Variants in PRKN observed in about 807,000 individuals in gnomAD.
PRKN encodes the protein E3 ubiquitin-protein ligase parkin.
A neutral mutation model predicts 59.5 loss-of-function variants in PRKN; 56 were observed. The observed-to-expected ratio is 0.94, with a 90% CI of 0.76 to 1.18. The LOEUF is 1.18. Among genes scored for constraint, PRKN ranks in the 50% most tolerant of loss-of-function variants. The pLI, the probability that PRKN is intolerant of heterozygous loss-of-function variation, is 0.00. For missense variants in PRKN, 657 were observed against 596.4 expected (o/e 1.10, Z -1.06); for synonymous variants, 250 against 222.1 (o/e 1.13, Z -1.12).
At chr6:162,685,374 T>C (rs565313529) in intron 1 of PRKN, among the ~76,000 whole-genome samples, 5 of 152,260 alleles carry the variant, frequency 3.3e-5, no homozygotes, top group Admixed American at 2.6e-4. Context: ...TGCTACTTCT[T>C]CAATATTCAG....
rs1178337925 is a variant in PRKN at position 162,545,249 on chromosome 6, C to T, written c.8-101776G>A. Reference sequence around the variant, plus strand: ...GTTGCAGTGAGCCAAGATCACGCCACTGCACTCCAGCCTGGGCAACAGAGT... The same window carrying T: ...GTTGCAGTGAGCCAAGATCACGCCATTGCACTCCAGCCTGGGCAACAGAGT... On this transcript the variant is annotated intron_variant, in intron 1 of 11. Transcript: ENST00000366898. Among the ~76,000 whole-genome samples, 4 of 152,018 alleles carry T rather than the reference C, an allele frequency of 2.6e-5. No individual in the cohort carries two copies. The East Asian group carries it at 7.8e-4, about 30-fold the overall frequency.
chr6:161,842,865 CT>C (rs1793047180), intron 6 of PRKN, among the ~76,000 whole-genome samples: 1 of 152,162 alleles, frequency 6.6e-6, no homozygotes, highest in African/African-American at 2.4e-5. Flanking sequence ...TCTCTTTATT[CT>C]GCCTGAGGAT....
At chr6:162,502,729 T>C (rs369424417) in intron 1 of PRKN, among the ~76,000 whole-genome samples, 1 of 152,086 alleles carries the variant, frequency 6.6e-6, no homozygotes, top group East Asian at 1.9e-4. Context: ...ATCCCAGCAT[T>C]TTATAGAATT....
At chr6:161,520,519 T>TAA (rs1778781980) in intron 9 of PRKN, among the ~76,000 whole-genome samples, 1 of 152,100 alleles carries the variant, frequency 6.6e-6, no homozygotes, top group Admixed American at 6.6e-5. Context: ...TGAACCCCTG[T>TAA]GCTCAGCCAA....
chr6:162,286,503 A>T (rs1781200611), intron 2 of PRKN, among the ~76,000 whole-genome samples: 1 of 152,114 alleles, frequency 6.6e-6, no homozygotes. Flanking sequence ...TGCAATACTG[A>T]CTCCAATAAA....
intron 2 of PRKN, among the ~76,000 whole-genome samples, chr6:162,397,843 C>T (rs779950437): frequency 6.6e-6 from 1 of 151,868 alleles, no homozygotes; most frequent in Non-Finnish European, 1.5e-5. Context: ...TCAAGAACAG[C>T]CTGGCCAATG....
In PRKN at chr6:161,987,983, C is replaced by CGAT. The variant is rs904060517; in HGVS notation, c.619-14569_619-14567dup. Reference sequence around the variant, plus strand: ...CAAGAAGAGGAACTGTTAGAGTGAACGATGCTCCCTCTTAGCCCAGGCTTA... The same window carrying CGAT: ...CAAGAAGAGGAACTGTTAGAGTGAACGATGATGCTCCCTCTTAGCCCAGGCTTA... On this transcript the variant is annotated intron_variant, in intron 5 of 11. Coordinates refer to ENST00000366898, the MANE Select transcript of PRKN (RefSeq NM_004562.3). Among the ~76,000 whole-genome samples, 10 of 152,188 alleles carry CGAT rather than the reference C, an allele frequency of 6.6e-5. No individual in the cohort carries two copies. The South Asian group carries it at 8.3e-4, about 13-fold the overall frequency.
chr6:161,900,439 T>A (rs962324781), intron 6 of PRKN, among the ~76,000 whole-genome samples: 17 of 143,262 alleles, frequency 1.2e-4, no homozygotes, highest in African/African-American at 4.4e-4. Context: ...TAATATATAT[T>A]TTTATATATA....
intron 6 of PRKN, among the ~76,000 whole-genome samples, chr6:161,836,389 G>A (rs73603105): frequency 0.014 from 2,141 of 152,154 alleles, 50 homozygotes; most frequent in African/African-American, 0.049. Flanking sequence ...GGAAATTGCC[G>A]TACATGATTC....
At position 161,592,447 on chromosome 6, in the gene PRKN, A is replaced by G. The variant is rs559974823; in HGVS notation, c.872-23031T>C. On this transcript the variant is annotated intron_variant, in intron 7 of 11. Transcript: ENST00000366898. This position sits in a 1 kb window ranked among gnomAD's most constrained non-coding sequence, Gnocchi z 4.8. Reference sequence around the variant, plus strand: ...TAGTAGACGAAAGAATATCAATATCATTTGATGATATTAATGTTCTGATTA... The same window carrying G: ...TAGTAGACGAAAGAATATCAATATCGTTTGATGATATTAATGTTCTGATTA... 7.9e-5 allele frequency among the ~76,000 whole-genome samples: 12 copies of G among 152,320 alleles called. No homozygotes were observed. The East Asian group carries it at 2.3e-3, about 29-fold the overall frequency.
chr6:161,907,796 G>A (rs1040296579), intron 6 of PRKN, among the ~76,000 whole-genome samples: 7 of 152,154 alleles, frequency 4.6e-5, no homozygotes, highest in African/African-American at 1.2e-4. Flanking sequence ...AAGAATTTCC[G>A]GCGAGGCGCA....
intron 2 of PRKN, among the ~76,000 whole-genome samples, chr6:162,414,626 G>A (rs1788523363): frequency 1.3e-5 from 2 of 150,780 alleles, no homozygotes; most frequent in Admixed American, 6.6e-5. Context: ...CAGGAGAATG[G>A]CATAAGCCCA....
chr6:162,700,764 A>C (rs1027284128), intron 1 of PRKN, among the ~76,000 whole-genome samples: 1 of 151,996 alleles, frequency 6.6e-6, no homozygotes, highest in African/African-American at 2.4e-5. Context: ...TATCTATCGC[A>C]CATCTTTTAC....
intron 1 of PRKN, among the ~76,000 whole-genome samples, chr6:162,543,705 C>T (rs896137226): frequency 6.6e-6 from 1 of 152,152 alleles, no homozygotes; most frequent in Non-Finnish European, 1.5e-5. Flanking sequence ...TATACCTGTA[C>T]TTCATACCGC....
At chr6:162,053,511 A>T (rs1777732813) in intron 5 of PRKN, among the ~76,000 whole-genome samples, 1 of 152,190 alleles carries the variant, frequency 6.6e-6, no homozygotes, top group Non-Finnish European at 1.5e-5. Flanking sequence ...TCTTTCAGGA[A>T]ATATCTGCGG....
At chr6:161,610,001 C>G (rs1405634021) in intron 7 of PRKN, among the ~76,000 whole-genome samples, 1 of 151,976 alleles carries the variant, frequency 6.6e-6, no homozygotes, top group African/African-American at 2.4e-5. Flanking sequence ...ATTTGATTCA[C>G]AAAATAAGCA....
rs914089483 is a variant in PRKN, at chr6:161,399,428, G to A, written c.1084-12551C>T. Among the ~76,000 whole-genome samples the A allele has an allele frequency of 1.3e-5, 2 of 152,196 alleles. No individual in the cohort carries two copies. The highest frequency in any genetic ancestry group is 4.8e-5 in the African/African-American group (2 of 41,444). On this transcript the variant is annotated intron_variant, in intron 9 of 11. Coordinates refer to ENST00000366898, the MANE Select transcript of PRKN (RefSeq NM_004562.3). The surrounding 1 kb of genome is among the most constrained non-coding windows in gnomAD (Gnocchi z 4.4). ...CGCACTGTAACACACAGCTAACTGGGCTTTGGGAGTCACAGGCACCCATCC... is the reference window on the plus strand; with the variant it reads ...CGCACTGTAACACACAGCTAACTGGACTTTGGGAGTCACAGGCACCCATCC...
chr6:162,272,490 G>C (rs540850758), intron 2 of PRKN, among the ~76,000 whole-genome samples: 2 of 152,110 alleles, frequency 1.3e-5, no homozygotes, highest in South Asian at 4.2e-4. Context: ...AATTACTGGG[G>C]TCAGGGTTTG....
intron 5 of PRKN, among the ~76,000 whole-genome samples, chr6:162,032,299 C>G (rs1339808186): frequency 6.6e-6 from 1 of 151,946 alleles, no homozygotes; most frequent in Non-Finnish European, 1.5e-5. Context: ...TTAAAACCAC[C>G]AAGCAAAAAC....
Sources: allele counts gnomAD v4.1 joint callset (sites outside exome capture counted in the v4.1 genomes callset), GRCh38; gene constraint gnomAD v4.1.1; non-coding constraint Gnocchi (gnomAD v3.1); transcripts MANE v1.5; gene names NCBI Gene and HGNC (gene_info 2026-07-23, HGNC 2026-07-21).